The following CSGALNACT1 variants were observed in gnomAD, a reference collection of about 807,000 sequenced individuals.
The protein encoded by CSGALNACT1 is chondroitin sulfate N-acetylgalactosaminyltransferase 1.
In CSGALNACT1, 52 loss-of-function variants were observed where a neutral mutation model predicts 51.0. That is an observed-to-expected ratio of 1.02 (90% CI 0.82 to 1.29). CSGALNACT1 has a LOEUF of 1.29. CSGALNACT1 is among the 50% of genes most tolerant of loss of function. The pLI, the probability that CSGALNACT1 is intolerant of heterozygous loss-of-function variation, is 0.00. For synonymous variants in CSGALNACT1, 341 were observed against 254.4 expected, an observed-to-expected ratio of 1.34 and a Z score of -3.24; for missense variants, 935 against 679.2, an observed-to-expected ratio of 1.38 and a Z score of -4.19.
At chr8:19,724,439 C>T (rs1012849891) in intron 1 of CSGALNACT1, among the ~76,000 whole-genome samples, 1 of 152,220 alleles carries the variant, frequency 6.6e-6, no homozygotes, top group Non-Finnish European at 1.5e-5. Flanking sequence ...GTTTTTCTCA[C>T]ACGGCATCAC....
chr8:19,635,438 G>A (rs1054424718), intron 1 of CSGALNACT1, among the ~76,000 whole-genome samples: 7 of 152,172 alleles, frequency 4.6e-5, no homozygotes, highest in South Asian at 4.1e-4. Flanking sequence ...TAGGCCTGTT[G>A]CCCTAAATGG....
intron 3 of CSGALNACT1, among the ~76,000 whole-genome samples, chr8:19,525,775 C>T (rs1406395424): frequency 6.6e-6 from 1 of 152,046 alleles, no homozygotes; most frequent in Non-Finnish European, 1.5e-5. Flanking sequence ...ATGTCCTAGT[C>T]TACAGAGGCA....
intron 3 of CSGALNACT1, among the ~76,000 whole-genome samples, chr8:19,524,831 A>G (rs1459328550): frequency 6.6e-6 from 1 of 152,194 alleles, no homozygotes; most frequent in East Asian, 1.9e-4. Context: ...CAAGAACATA[A>G]CAAAACAAGG....
intron 3 of CSGALNACT1, among the ~76,000 whole-genome samples, chr8:19,566,869 C>A (rs1007534132): frequency 4.5e-4 from 68 of 152,296 alleles, no homozygotes; most frequent in African/African-American, 1.5e-3. Context: ...TTACAGCCAA[C>A]CCCCCTTTTT....
chr8:19,408,592 A>C, intron 9 of CSGALNACT1, 21 bp downstream of exon 8: 1 of 1,601,070 alleles, frequency 6.2e-7, no homozygotes, highest in Non-Finnish European at 8.5e-7. Flanking sequence ...GGGTGGCAGT[A>C]GAGATGCAGA....
intron 1 of CSGALNACT1, among the ~76,000 whole-genome samples, chr8:19,728,620 G>A (rs1436398917): frequency 1.3e-5 from 2 of 152,080 alleles, no homozygotes; most frequent in African/African-American, 4.8e-5. Flanking sequence ...CAGGCCACAT[G>A]TTCATTCCAC....
chr8:19,503,107 A>T (rs1469686351), intron 4 of CSGALNACT1, among the ~76,000 whole-genome samples: 1 of 152,210 alleles, frequency 6.6e-6, no homozygotes, highest in Non-Finnish European at 1.5e-5. Context: ...TGTGGTATTG[A>T]TAATATTTTT....
intron 3 of CSGALNACT1, among the ~76,000 whole-genome samples, chr8:19,513,746 T>C (rs537929059): frequency 6.6e-6 from 1 of 152,038 alleles, no homozygotes; most frequent in African/African-American, 2.4e-5. Context: ...CTAACAAACC[T>C]GTACCACATG....
At chr8:19,450,755 A>G (rs1334311230) in intron 5 of CSGALNACT1, among the ~76,000 whole-genome samples, 1 of 151,950 alleles carries the variant, frequency 6.6e-6, no homozygotes, top group Non-Finnish European at 1.5e-5. Context: ...TGTCTCTACA[A>G]AAAATCTGGC....
At chr8:19,705,413 G>A (rs141170052) in intron 1 of CSGALNACT1, among the ~76,000 whole-genome samples, 4 of 152,220 alleles carry the variant, frequency 2.6e-5, no homozygotes, top group African/African-American at 9.6e-5. Context: ...ATATTTAGAA[G>A]GAAAAAGCTC....
intron 3 of CSGALNACT1, among the ~76,000 whole-genome samples, chr8:19,545,521 T>G (rs1395068136): frequency 1.3e-5 from 2 of 152,238 alleles, no homozygotes; most frequent in African/African-American, 4.8e-5. Flanking sequence ...ATGGCAAGTG[T>G]CCTGATAGCA....
intron 3 of CSGALNACT1, among the ~76,000 whole-genome samples, chr8:19,590,754 A>G (rs1320204401): frequency 1.4e-5 from 2 of 147,252 alleles, no homozygotes; most frequent in African/African-American, 5.0e-5. Flanking sequence ...GGTTCAAGCA[A>G]TTCTCCTGCT....
chr8:19,666,965 A>C (rs140769701), intron 1 of CSGALNACT1, among the ~76,000 whole-genome samples: 179 of 10,126 alleles, frequency 0.018, 6 homozygotes, highest in African/African-American at 0.09. Context: ...GAAAGAAAGA[A>C]AGAAAGAAAG....
exon 5 of CSGALNACT1, chr8:19,458,524 C>G (rs1280432257): frequency 6.2e-7 from 1 of 1,614,146 alleles, no homozygotes; most frequent in African/African-American, 1.3e-5. Flanking sequence ...TTTCATTTTT[C>G]ACTTTCATGA....
intron 1 of CSGALNACT1, among the ~76,000 whole-genome samples, chr8:19,633,850 CAACTGGTGGCATGCCA>C (rs748025235): frequency 1.7e-4 from 26 of 152,302 alleles, no homozygotes; most frequent in African/African-American, 4.3e-4. Flanking sequence ...TCTTTCTGGA[CAACTGGTGGCATGCCA>C]AACTGGTGGC....
chr8:19,734,659 G>C (rs2063867737), intron 1 of CSGALNACT1, among the ~76,000 whole-genome samples: 1 of 152,146 alleles, frequency 6.6e-6, no homozygotes, highest in Admixed American at 6.5e-5. Flanking sequence ...TCTTCTATTA[G>C]TGTTGACTCT....
intron 1 of CSGALNACT1, among the ~76,000 whole-genome samples, chr8:19,631,977 T>C (rs897843256): frequency 1.4e-4 from 21 of 152,214 alleles, no homozygotes; most frequent in African/African-American, 4.8e-4. Flanking sequence ...GAAGAAGCTT[T>C]TTGCTGTAGG....
At chr8:19,413,037 A>G (rs565092964) in intron 8 of CSGALNACT1, among the ~76,000 whole-genome samples, 1 of 152,338 alleles carries the variant, frequency 6.6e-6, no homozygotes, top group South Asian at 2.1e-4. Flanking sequence ...GAAATAAGGT[A>G]TCCTACATCC....
At chr8:19,648,236 C>T (rs2057453886) in intron 1 of CSGALNACT1, among the ~76,000 whole-genome samples, 2 of 152,176 alleles carry the variant, frequency 1.3e-5, no homozygotes, top group African/African-American at 4.8e-5. Flanking sequence ...AAGAATCTAG[C>T]AACATTAATC....
Sources: gnomAD v4.1 joint callset for allele counts (sites outside exome capture counted in the v4.1 genomes callset) on GRCh38, gnomAD v4.1.1 for gene constraint, MANE v1.5 for transcripts, NCBI Gene and HGNC (gene_info 2026-07-23, HGNC 2026-07-21) for gene names.